KIFC3: variants seen among roughly 807,000 people sequenced by gnomAD.
The protein encoded by KIFC3 is kinesin family member C3.
Under a neutral mutation model 101.8 loss-of-function variants are expected in KIFC3, and 60 were observed. The ratio of observed to expected loss-of-function variants is 0.59; its 90% CI spans 0.48 to 0.73. KIFC3 has a LOEUF of 0.73. Among genes scored for constraint, KIFC3 ranks in the 30% least tolerant of loss-of-function variants. The pLI, the probability that KIFC3 is intolerant of heterozygous loss-of-function variation, is 0.00. For synonymous variants in KIFC3, 476 were observed against 482.7 expected, an observed-to-expected ratio of 0.99 and a Z score of 0.18; for missense variants, 966 against 1,137.1, an observed-to-expected ratio of 0.85 and a Z score of 2.16.
At chr16:57,782,679 C>A (rs1218544124) in intron 3 of KIFC3, among the ~76,000 whole-genome samples, 2 of 152,258 alleles carry the variant, frequency 1.3e-5, no homozygotes, top group Non-Finnish European at 2.9e-5. Context: ...CGCGGTGGCT[C>A]ACGCCTGTAA....
In KIFC3 at chr16:57,769,585, C is replaced by T. The variant is rs782101567; in HGVS notation, c.1218+10G>A. On this transcript the variant is annotated intron_variant, in intron 9 of 19. Transcript: ENST00000445690. The surrounding 1 kb of genome is among the most constrained non-coding windows in gnomAD (Gnocchi z 4.3). ...TAGCCTGGACCCTCCCACCCACTGC[C>T]CTCGCTCACCTCGGCCTTGACACTC... 1.0e-5 allele frequency: 16 copies of T among 1,606,640 alleles called. No homozygotes were observed. In the African/African-American group the frequency reaches 1.3e-4, roughly 13 times the overall value.
intron 6 of KIFC3, 88 bp from the exon 7 acceptor site, chr16:57,770,788 A>G (rs2051067879): frequency 2.7e-6 from 3 of 1,131,552 alleles, no homozygotes; most frequent in Non-Finnish European, 3.5e-6. Context: ...AGGGGAAGGA[A>G]CTCTCGGGAA....
chr16:57,779,203 AAAAC>A (rs1265666744), intron 3 of KIFC3, among the ~76,000 whole-genome samples: 1 of 152,254 alleles, frequency 6.6e-6, no homozygotes, highest in African/African-American at 2.4e-5. Flanking sequence ...ATGGAAAAAC[AAAAC>A]AAACAAAACG....
intron 17 of KIFC3, 151 bp from the exon 18 acceptor site, chr16:57,759,987 T>A: frequency 1.6e-6 from 1 of 633,022 alleles, no homozygotes; most frequent in East Asian, 2.8e-5. Flanking sequence ...GCCTCAGTTA[T>A]GGCAAGAATT....
chr16:57,795,486 A>G (rs2149198499), intron 2 of KIFC3, among the ~76,000 whole-genome samples: 1 of 152,342 alleles, frequency 6.6e-6, no homozygotes, highest in South Asian at 2.1e-4. Flanking sequence ...GCCAGCCTGC[A>G]TGAAGCTTTG....
At chr16:57,822,958 TC>T (rs36039965) in intron 1 of KIFC3, among the ~76,000 whole-genome samples, 75,628 of 151,516 alleles carry the variant, frequency 0.5, 20,172 homozygotes, top group African/African-American at 0.68. Context: ...AATTCTAAGG[TC>T]CCCCCCAACC....
chr16:57,784,874 C>T (rs767530933), intron 3 of KIFC3, among the ~76,000 whole-genome samples: 2 of 152,144 alleles, frequency 1.3e-5, no homozygotes. Context: ...AGCTCATGAG[C>T]CAATGGTACC....
chr16:57,813,793 G>A (rs907145385), intron 1 of KIFC3: 410 of 985,270 alleles, frequency 4.2e-4, no homozygotes, highest in Non-Finnish European at 4.8e-4. Flanking sequence ...CGGGGACTCG[G>A]GAGACTCAAG....
At chr16:57,773,099 G>A (rs1160535662) in intron 3 of KIFC3, among the ~76,000 whole-genome samples, 1 of 152,190 alleles carries the variant, frequency 6.6e-6, no homozygotes, top group Non-Finnish European at 1.5e-5. Context: ...ACCTCTCTCA[G>A]GAAACAATTC....
At chr16:57,772,096 T>G in intron 4 of KIFC3, 127 bp downstream of exon 4, 10 of 780,890 alleles carry the variant, frequency 1.3e-5, no homozygotes, top group Admixed American at 9.4e-5. Context: ...GCTCTCGGTG[T>G]GTTTCTGAGA....
rs1555623778 is a variant in KIFC3 at position 57,798,084 on chromosome 16, TC to T, written c.159del (p.Arg54GlyfsTer2). The T allele has an allele frequency of 6.3e-6, 10 of 1,591,518 alleles. No homozygotes were observed. Among genetic ancestry groups the T allele is most frequent in the Non-Finnish European group, 8.6e-6 (10 of 1,169,466 alleles). ...AATGCGGACTCACCAGTTCTCAACC[TC>T]CCCGGGCCGGTGTGTGGGAAAGGGC... ...AARPFPHTGP[G>X]RLRTGRGKDT... is the part of the protein sequence containing the mutation. On this transcript the variant is annotated frameshift_variant, in exon 2 of 20. Coordinates refer to ENST00000445690, the MANE Select transcript of KIFC3 (RefSeq NM_001130100.2). LOFTEE classifies it high-confidence loss of function.
At chr16:57,823,024 C>T (rs1298155142) in intron 1 of KIFC3, among the ~76,000 whole-genome samples, 1 of 152,184 alleles carries the variant, frequency 6.6e-6, no homozygotes, top group Admixed American at 6.5e-5. Context: ...ACTTGAAAAA[C>T]TGGTTTAGAC....
At chr16:57,797,902 G>A (rs2054468445) in intron 2 of KIFC3, 170 bp downstream of exon 2, 1 of 1,484,930 alleles carries the variant, frequency 6.7e-7, no homozygotes. Context: ...GGAGCGCCCG[G>A]CGAGACTGAC....
intron 3 of KIFC3, among the ~76,000 whole-genome samples, chr16:57,782,583 T>C (rs2052852744): frequency 6.6e-6 from 1 of 152,094 alleles, no homozygotes; most frequent in African/African-American, 2.4e-5. Flanking sequence ...CCCTCCAGAG[T>C]ATCTCAGAGA....
intron 1 of KIFC3, among the ~76,000 whole-genome samples, chr16:57,813,452 G>A (rs1161392957): frequency 2.6e-5 from 4 of 152,000 alleles, no homozygotes; most frequent in Non-Finnish European, 4.4e-5. Flanking sequence ...CAGAAAGCAC[G>A]CACTGCCCCC....
chr16:57,854,271 A>G (rs1348323533), intron 1 of KIFC3, among the ~76,000 whole-genome samples: 1 of 151,922 alleles, frequency 6.6e-6, no homozygotes, highest in Admixed American at 6.6e-5. Context: ...TTTTGAAAAA[A>G]CTCAACTACG....
At chr16:57,783,698 C>T (rs62039934) in intron 3 of KIFC3, among the ~76,000 whole-genome samples, 1 of 152,106 alleles carries the variant, frequency 6.6e-6, no homozygotes, top group Non-Finnish European at 1.5e-5. Flanking sequence ...GTCTTGAACT[C>T]CTGACCTCAG....
chr16:57,788,693 C>T lies in KIFC3; in HGVS notation c.315+6306G>A. 5 of 1,289,658 alleles carry T rather than the reference C, an allele frequency of 3.9e-6. No homozygotes were observed. The South Asian group carries it at 4.9e-5, about 13-fold the overall frequency. The allele number at this position is 1,289,658 out of a possible 1,614,324, so 79.9% of individuals were successfully genotyped here. Reference sequence around the variant, plus strand: ...TCGTCCCCTGACTCTGGCTCTTGCACCCCTTGTCCTGCAGGGCCTGCTGCC... The same window carrying T: ...TCGTCCCCTGACTCTGGCTCTTGCATCCCTTGTCCTGCAGGGCCTGCTGCC... On this transcript the variant is annotated intron_variant, in intron 3 of 19. Transcript: ENST00000445690.
At chr16:57,819,905 G>T (rs1555629619) in intron 1 of KIFC3, among the ~76,000 whole-genome samples, 2 of 151,748 alleles carry the variant, frequency 1.3e-5, no homozygotes, top group Non-Finnish European at 2.9e-5. Flanking sequence ...TTTCATTCTT[G>T]TTGCCCAGGC....
Sources: gnomAD v4.1 joint callset for allele counts (sites outside exome capture counted in the v4.1 genomes callset) on GRCh38, gnomAD v4.1.1 for gene constraint, Gnocchi (gnomAD v3.1) non-coding constraint, MANE v1.5 for transcripts, NCBI Gene and HGNC (gene_info 2026-07-23, HGNC 2026-07-21) for gene names.